The following GPC6 variants were observed in gnomAD, a reference collection of about 807,000 sequenced individuals.
GPC6 encodes the protein glypican 6.
Under a neutral mutation model 55.2 loss-of-function variants are expected in GPC6, and 14 were observed. The ratio of observed to expected loss-of-function variants is 0.25; its 90% CI spans 0.17 to 0.40. GPC6 has a LOEUF of 0.40. GPC6 is among the 10% of genes least tolerant of loss of function. GPC6 has a pLI of 1.00. For synonymous variants in GPC6, 278 were observed against 259.6 expected, an observed-to-expected ratio of 1.07 and a Z score of -0.68; for missense variants, 641 against 708.5, an observed-to-expected ratio of 0.90 and a Z score of 1.08.
intron 3 of GPC6, among the ~76,000 whole-genome samples, chr13:93,850,266 C>T (rs373700126): frequency 7.2e-5 from 11 of 151,842 alleles, no homozygotes; most frequent in African/African-American, 2.4e-4. Flanking sequence ...GCAGTGGGTG[C>T]GATGGTAAAT....
intron 4 of GPC6, among the ~76,000 whole-genome samples, chr13:94,125,231 A>G (rs756118641): frequency 3.9e-5 from 6 of 152,162 alleles, no homozygotes; most frequent in Non-Finnish European, 7.4e-5. Context: ...AATAATAGCA[A>G]TGTATAAACA....
At chr13:93,452,226 G>A (rs1235892192) in intron 1 of GPC6, among the ~76,000 whole-genome samples, 1 of 152,076 alleles carries the variant, frequency 6.6e-6, no homozygotes, top group African/African-American at 2.4e-5. Context: ...TTTTCAAGTA[G>A]CATCTCATAC....
chr13:94,339,753 T>A (rs1324440535), intron 6 of GPC6, among the ~76,000 whole-genome samples: 1 of 70,722 alleles, frequency 1.4e-5, no homozygotes, highest in Non-Finnish European at 3.4e-5. Flanking sequence ...ATACTTTCCT[T>A]TTTTTTTTTT....
chr13:93,461,121 C>A (rs967223917), intron 1 of GPC6, among the ~76,000 whole-genome samples: 1 of 151,870 alleles, frequency 6.6e-6, no homozygotes, highest in Non-Finnish European at 1.5e-5. Flanking sequence ...TGTTGTTGTT[C>A]TCCAATTTTT....
At chr13:94,159,042 A>G (rs1269593625) in intron 4 of GPC6, among the ~76,000 whole-genome samples, 7 of 152,088 alleles carry the variant, frequency 4.6e-5, no homozygotes, top group African/African-American at 1.7e-4. Flanking sequence ...CCTGGCATGT[A>G]TAATATATCT....
chr13:93,921,977 A>G (rs1006553729), intron 3 of GPC6, among the ~76,000 whole-genome samples: 16 of 152,084 alleles, frequency 1.1e-4, no homozygotes, highest in Admixed American at 1.0e-3. Flanking sequence ...CTTGAGGGAT[A>G]TAAAAATACT....
rs568860148 is a variant in GPC6 at position 94,284,310 on chromosome 13, G to A, written c.878-2039G>A. Among the ~76,000 whole-genome samples, 8 of 152,334 alleles carry A rather than the reference G, an allele frequency of 5.3e-5. No individual in the cohort carries two copies. In the East Asian group the frequency reaches 1.5e-3, roughly 29 times the overall value. The stretch of plus-strand genomic sequence containing the variant: ...TGTTTGAACTTGGCCTCTACAGGCA[G>A]TAGCTATGAACCTGACCTTTTACAG... On this transcript the variant is annotated intron_variant, in intron 4 of 8. Coordinates refer to ENST00000377047, the MANE Select transcript of GPC6 (RefSeq NM_005708.5).
intron 6 of GPC6, among the ~76,000 whole-genome samples, chr13:94,332,137 C>A (rs1278880896): frequency 6.6e-6 from 1 of 152,182 alleles, no homozygotes; most frequent in Non-Finnish European, 1.5e-5. Context: ...TTGACTATTA[C>A]CCGATATTCA....
rs116764312 is a variant in GPC6, at chr13:93,935,063, T to C, written c.712-92666T>C. On this transcript the variant is annotated intron_variant, in intron 3 of 8. Coordinates refer to ENST00000377047, the MANE Select transcript of GPC6 (RefSeq NM_005708.5). ...GTGGAAATCTGCAGTGTTTTTACCT[T>C]TTACTTGTTAATACGGCCTCTATGA... 3.3e-3 allele frequency among the ~76,000 whole-genome samples: 502 copies of C among 152,302 alleles called. 3 individuals carry two copies. The highest frequency in any genetic ancestry group is 0.012 in the African/African-American group (480 of 41,556).
intron 1 of GPC6, among the ~76,000 whole-genome samples, chr13:93,376,926 T>C (rs1057224281): frequency 6.6e-6 from 1 of 152,210 alleles, no homozygotes; most frequent in African/African-American, 2.4e-5. Context: ...TTGCTGAAAA[T>C]ATGTAAGCAA....
intron 1 of GPC6, among the ~76,000 whole-genome samples, chr13:93,518,085 A>G (rs1881270478): frequency 6.6e-6 from 1 of 151,884 alleles, no homozygotes; most frequent in African/African-American, 2.4e-5. Flanking sequence ...TTTATCAAAC[A>G]GTTTTTCAGT....
At chr13:94,402,984 C>T (rs751829178) in intron 8 of GPC6, 31 bp from the exon 9 acceptor site, 4 of 1,499,028 alleles carry the variant, frequency 2.7e-6, no homozygotes. Flanking sequence ...TATCAGTGGT[C>T]TAACTTTCTT....
chr13:93,561,404 GATATATAT>G lies in GPC6; in HGVS notation c.319+15998_319+16005del, dbSNP rs66957373. Among the ~76,000 whole-genome samples, 209 of 104,696 alleles carry G rather than the reference GATATATAT, an allele frequency of 2.0e-3. 16 individuals carry two copies. Among genetic ancestry groups the G allele is most frequent in the African/African-American group, 7.6e-3 (183 of 24,124 alleles). 68.7% of individuals were successfully genotyped at this position (104,696 alleles called of 152,430 possible). A position where few individuals can be genotyped will look rare whatever the true frequency, so the allele number is the denominator to read the frequency against. ...AATAATTGCATACTATATCCCTATC[GATATATAT>G]ATATATATATATATTTGTTGCAGTT... On this transcript the variant is annotated intron_variant, in intron 2 of 8. Coordinates refer to ENST00000377047, the MANE Select transcript of GPC6 (RefSeq NM_005708.5).
chr13:94,187,336 A>G (rs567222919), intron 4 of GPC6: 15 of 152,306 alleles, frequency 9.8e-5, no homozygotes, highest in Non-Finnish European at 1.8e-4. Context: ...CATCAAATTG[A>G]TCAAAGCAGA....
At chr13:94,207,216 A>G (rs76672605) in intron 4 of GPC6, among the ~76,000 whole-genome samples, 4,386 of 152,216 alleles carry the variant, frequency 0.029, 92 homozygotes, top group South Asian at 0.064. Flanking sequence ...ACCTGTTCCT[A>G]GAGATCTGTG....
At chr13:93,802,042 G>A (rs528446200) in intron 2 of GPC6, among the ~76,000 whole-genome samples, 1 of 152,132 alleles carries the variant, frequency 6.6e-6, no homozygotes, top group South Asian at 2.1e-4. Context: ...CTTTGAGTAG[G>A]TATTTAAGAG....
chr13:94,334,444 A>G (rs1172891939), intron 6 of GPC6, among the ~76,000 whole-genome samples: 1 of 152,232 alleles, frequency 6.6e-6, no homozygotes, highest in African/African-American at 2.4e-5. Context: ...GCAGGTATCA[A>G]TATAGATGTT....
At chr13:94,126,569 T>C (rs1213534507) in intron 4 of GPC6, among the ~76,000 whole-genome samples, 1 of 152,130 alleles carries the variant, frequency 6.6e-6, no homozygotes, top group African/African-American at 2.4e-5. Flanking sequence ...AAAATTAATT[T>C]CTGGTTTATC....
chr13:93,959,261 C>G (rs1344708362), intron 3 of GPC6, among the ~76,000 whole-genome samples: 1 of 151,430 alleles, frequency 6.6e-6, no homozygotes, highest in Non-Finnish European at 1.5e-5. Flanking sequence ...CTCCCGAGTT[C>G]AAGCGATTCT....
Sources: gnomAD v4.1 joint callset for allele counts (sites outside exome capture counted in the v4.1 genomes callset) on GRCh38, gnomAD v4.1.1 for gene constraint, MANE v1.5 for transcripts, NCBI Gene and HGNC (gene_info 2026-07-23, HGNC 2026-07-21) for gene names.